ARHGEF26: variants seen among roughly 807,000 people sequenced by gnomAD.
The protein encoded by ARHGEF26 is Rho guanine nucleotide exchange factor (GEF) 26.
ARHGEF26 carries 59 observed loss-of-function variants against 89.4 expected under a neutral mutation model. The observed-to-expected ratio is 0.66, with a 90% CI of 0.54 to 0.82. ARHGEF26 has a LOEUF of 0.82. Among genes scored for constraint, ARHGEF26 ranks in the 40% least tolerant of loss-of-function variants. The pLI, the probability that ARHGEF26 is intolerant of heterozygous loss-of-function variation, is 0.00. For missense variants in ARHGEF26, 1,234 were observed against 1,085.6 expected, an observed-to-expected ratio of 1.14 and a Z score of -1.92; for synonymous variants, 500 against 428.4, an observed-to-expected ratio of 1.17 and a Z score of -2.06.
At chr3:154,254,906 T>C in intron 14 of ARHGEF26, 82 bp downstream of exon 14, 1 of 1,109,016 alleles carries the variant, frequency 9.0e-7, no homozygotes, top group Middle Eastern at 2.8e-4. Flanking sequence ...TTTGTCATCA[T>C]TGCCCATATT....
rs1382811314 is a variant in ARHGEF26, at chr3:154,137,033, CAAAAATAGAGGCCCATGTGCCTAGACCT to C, written c.1269+7315_1269+7342del. Among the ~76,000 whole-genome samples, 5 of 152,238 alleles carry C rather than the reference CAAAAATAGAGGCCCATGTGCCTAGACCT, an allele frequency of 3.3e-5. No homozygotes were observed. The East Asian group carries it at 9.7e-4, about 29-fold the overall frequency. On this transcript the variant is annotated intron_variant, in intron 4 of 14. Transcript: ENST00000465093. ...TCTGGAATCCTTGTGTCTTTATAAACAAAAATAGAGGCCCATGTGCCTAGACCTGAGATCCATGGTTTGGATATTTTTC... is the reference window on the plus strand; with the variant it reads ...TCTGGAATCCTTGTGTCTTTATAAACGAGATCCATGGTTTGGATATTTTTC...
Position 154,129,706 on chromosome 3 carries a change from G to A in ARHGEF26, c.1256G>A (p.Ser419Asn). 6.2e-7 allele frequency: 1 copy of A among 1,612,196 alleles called. No individual in the cohort carries two copies. The highest frequency in any genetic ancestry group is 8.5e-7 in the Non-Finnish European group (1 of 1,179,176). ...IHHKPLRSTW[S>N]QLSAVKRKGL... ...CATAAGCCATTGAGATCCACATGGA[G>A]CCAACTCTCTGCGGTGAGTGTTTAT... The change falls in exon 4 of 15, where the codon AGC becomes AAC. Residue 419 changes from serine to asparagine, a missense_variant. By Grantham distance (46) the Ser-to-Asn change is conservative. Transcript: ENST00000465093.
At chr3:154,198,153 A>G (rs1487471391) in intron 9 of ARHGEF26, among the ~76,000 whole-genome samples, 2 of 152,178 alleles carry the variant, frequency 1.3e-5, no homozygotes, top group East Asian at 3.8e-4. Flanking sequence ...CACTAACTAT[A>G]AAGGCAAATT....
chr3:154,193,099 G>T (rs1361707035), intron 8 of ARHGEF26, among the ~76,000 whole-genome samples: 1 of 152,064 alleles, frequency 6.6e-6, no homozygotes, highest in Non-Finnish European at 1.5e-5. Flanking sequence ...TCTTCCCAGA[G>T]AATATGTGTA....
At chr3:154,179,064 G>T (rs1264896392) in intron 6 of ARHGEF26, among the ~76,000 whole-genome samples, 1 of 152,140 alleles carries the variant, frequency 6.6e-6, no homozygotes, top group Non-Finnish European at 1.5e-5. Flanking sequence ...TTCTTGCGTA[G>T]ATGTTTCATT....
chr3:154,239,549 G>A (rs1429727295), intron 11 of ARHGEF26, among the ~76,000 whole-genome samples: 1 of 152,042 alleles, frequency 6.6e-6, no homozygotes, highest in Non-Finnish European at 1.5e-5. Flanking sequence ...GCTCTCAGGA[G>A]ACGCCTTGTT....
At chr3:154,222,619 G>C (rs1324354219) in intron 10 of ARHGEF26, among the ~76,000 whole-genome samples, 1 of 152,202 alleles carries the variant, frequency 6.6e-6, no homozygotes, top group Non-Finnish European at 1.5e-5. Flanking sequence ...AGCAAACATT[G>C]TTGATGTGTT....
intron 9 of ARHGEF26, among the ~76,000 whole-genome samples, chr3:154,207,625 G>A (rs1347870216): frequency 6.6e-6 from 1 of 152,114 alleles, no homozygotes; most frequent in Non-Finnish European, 1.5e-5. Flanking sequence ...TGGAGAAAAA[G>A]GAATGCTTTT....
At chr3:154,136,146 C>T (rs1199545748) in intron 4 of ARHGEF26, among the ~76,000 whole-genome samples, 1 of 152,060 alleles carries the variant, frequency 6.6e-6, no homozygotes, top group Non-Finnish European at 1.5e-5. Flanking sequence ...AATCTTAAGT[C>T]ATTGGAATGT....
At chr3:154,210,454 C>T (rs1002651223) in intron 9 of ARHGEF26, among the ~76,000 whole-genome samples, 5 of 151,956 alleles carry the variant, frequency 3.3e-5, no homozygotes, top group Non-Finnish European at 1.5e-5. Context: ...GCTGGGATTA[C>T]AGGCACTCAC....
intron 3 of ARHGEF26, among the ~76,000 whole-genome samples, 184 bp downstream of exon 3, chr3:154,124,633 T>C (rs967389829): frequency 6.6e-6 from 1 of 152,152 alleles, no homozygotes; most frequent in African/African-American, 2.4e-5. Flanking sequence ...ATGGTGAATA[T>C]AGTTAATGGC....
intron 4 of ARHGEF26, among the ~76,000 whole-genome samples, chr3:154,139,501 T>A (rs1202974579): frequency 6.6e-6 from 1 of 152,200 alleles, no homozygotes. Context: ...GTTGAAGAGT[T>A]CTGAATAACT....
At chr3:154,165,177 A>AC (rs1250485758) in intron 6 of ARHGEF26, among the ~76,000 whole-genome samples, 1 of 152,082 alleles carries the variant, frequency 6.6e-6, no homozygotes, top group African/African-American at 2.4e-5. Flanking sequence ...GGGTCACTGT[A>AC]TGCCTCCTGT....
intron 9 of ARHGEF26, among the ~76,000 whole-genome samples, chr3:154,205,172 T>TATA (rs1248418832): frequency 4.6e-5 from 7 of 152,200 alleles, no homozygotes; most frequent in Non-Finnish European, 8.8e-5. Context: ...TTGCTTTATA[T>TATA]ATCTATGTGT....
intron 12 of ARHGEF26, among the ~76,000 whole-genome samples, chr3:154,246,903 GT>G (rs1190825065): frequency 6.6e-6 from 1 of 152,136 alleles, no homozygotes; most frequent in Non-Finnish European, 1.5e-5. Context: ...AGCTTGAGTT[GT>G]TTCTTAATCA....
At chr3:154,237,578 C>CACACACTT (rs1559919348) in intron 11 of ARHGEF26, among the ~76,000 whole-genome samples, 2 of 73,042 alleles carry the variant, frequency 2.7e-5, no homozygotes, top group East Asian at 1.4e-3. Flanking sequence ...ACACACTTAA[C>CACACACTT]TAGTTTATTC....
chr3:154,241,787 T>A (rs1717495860), intron 12 of ARHGEF26, among the ~76,000 whole-genome samples: 1 of 152,208 alleles, frequency 6.6e-6, no homozygotes, highest in Non-Finnish European at 1.5e-5. Flanking sequence ...CAAACAGGAT[T>A]CTTGCTGAAG....
chr3:154,185,211 G>A (rs1263061528), intron 6 of ARHGEF26, among the ~76,000 whole-genome samples: 1 of 151,844 alleles, frequency 6.6e-6, no homozygotes, highest in South Asian at 2.1e-4. Context: ...GACACCAATT[G>A]TGTGTCCTAC....
rs1236153082 is a variant in ARHGEF26 at position 154,122,587 on chromosome 3, G to A, written c.595G>A (p.Glu199Lys). 6.2e-7 allele frequency: 1 copy of A among 1,613,534 alleles called. No individual in the cohort carries two copies. The highest frequency in any genetic ancestry group is 8.5e-7 in the Non-Finnish European group (1 of 1,179,882). Residue 199 changes from glutamate (E) to lysine (K), a missense_variant, in exon 2 of 15, where the codon GAA (glutamate) becomes AAA (lysine). Transcript: ENST00000465093. Reference sequence around the variant, plus strand: ...GTCCGGCCGGAAGGCAAAGGACCCCGAACGGGGGCTCTTTCCTGGGCCCCA... The same window carrying A: ...GTCCGGCCGGAAGGCAAAGGACCCCAAACGGGGGCTCTTTCCTGGGCCCCA... ...SQSGRKAKDP[E>K]RGLFPGPQKS... is the part of the protein sequence containing the mutation.
Sources: allele counts gnomAD v4.1 joint callset (sites outside exome capture counted in the v4.1 genomes callset), GRCh38; gene constraint gnomAD v4.1.1; transcripts MANE v1.5; gene names NCBI Gene and HGNC (gene_info 2026-07-23, HGNC 2026-07-21).